CIB1: variants seen among roughly 807,000 people sequenced by gnomAD.
The protein encoded by CIB1 is calcium and integrin-binding protein 1.
CIB1 carries 19 observed loss-of-function variants against 25.0 expected under a neutral mutation model. The ratio of observed to expected loss-of-function variants is 0.76; its 90% confidence interval spans 0.53 to 1.12. The LOEUF (loss-of-function observed/expected upper bound fraction) is 1.12, where lower values mean the gene tolerates loss of function less well. CIB1 is among the 50% of genes most tolerant of loss of function. The pLI is 0.00. For missense variants in CIB1, 236 were observed against 242.6 expected (o/e 0.97, Z 0.18); for synonymous variants, 104 against 98.5 (o/e 1.06, Z -0.33).
chr15:90,231,581 A>T (rs1405420313), intron 3 of CIB1, 74 bp from the exon 4 acceptor site: 1 of 1,544,876 alleles, frequency 6.5e-7, no homozygotes, highest in Non-Finnish European at 8.8e-7. Context: ...TTGAGAGAGC[A>T]GGTCACAGGA....
At chr15:90,256,163 G>A in the CIB1 span, 84 of 1,614,144 alleles carry the variant, frequency 5.2e-5, no homozygotes, top group Non-Finnish European at 6.4e-5. Flanking sequence ...CCAGTCCTAC[G>A]GTCGTCAGCG....
the CIB1 span, chr15:90,262,611 C>A: frequency 6.5e-7 from 1 of 1,532,410 alleles, no homozygotes; most frequent in Non-Finnish European, 8.7e-7. Context: ...CGACCCAGGG[C>A]AGGGCTCCAG....
chr15:90,248,070 C>G, the CIB1 span, among the ~76,000 whole-genome samples: 3 of 151,792 alleles, frequency 2.0e-5, no homozygotes, highest in Non-Finnish European at 2.9e-5. Flanking sequence ...TACGAGTTCT[C>G]ACTCTGTCAC....
chr15:90,264,154 C>T, the CIB1 span: 1 of 734,580 alleles, frequency 1.4e-6, no homozygotes, highest in Non-Finnish European at 2.2e-6. Flanking sequence ...TATGGCACTT[C>T]CACCAGTGTA....
At chr15:90,241,291 A>G in the CIB1 span, 2 of 1,614,180 alleles carry the variant, frequency 1.2e-6, no homozygotes, top group Non-Finnish European at 1.7e-6. Context: ...AACTTCAACA[A>G]GATCCGGCCC....
chr15:90,244,690 C>G, the CIB1 span: 79,733 of 151,676 alleles, frequency 0.53, 22,448 homozygotes, highest in African/African-American at 0.72. Flanking sequence ...GTTGTGGCGG[C>G]CACCTGTAAT....
At chr15:90,253,790 T>A in the CIB1 span, among the ~76,000 whole-genome samples, 91 of 152,302 alleles carry the variant, frequency 6.0e-4, no homozygotes, top group African/African-American at 2.1e-3. Context: ...TGGCAAGAAA[T>A]TCAGGAATGA....
the CIB1 span, among the ~76,000 whole-genome samples, chr15:90,246,898 A>T: frequency 6.6e-6 from 1 of 150,878 alleles, no homozygotes; most frequent in Non-Finnish European, 1.5e-5. Flanking sequence ...TAGAACACTA[A>T]ATTGTTTGTT....
chr15:90,245,051 C>T, the CIB1 span: 1 of 152,248 alleles, frequency 6.6e-6, no homozygotes, highest in Non-Finnish European at 1.5e-5. Flanking sequence ...GCCTTCAGGT[C>T]GTTGGCTCCC....
the CIB1 span, chr15:90,264,870 ACT>A: frequency 6.5e-7 from 1 of 1,535,988 alleles, no homozygotes; most frequent in Non-Finnish European, 8.7e-7. Context: ...TCCATGGTAA[ACT>A]CTGAACACAG....
At chr15:90,257,893 C>A in the CIB1 span, 1 of 939,056 alleles carries the variant, frequency 1.1e-6, no homozygotes, top group Non-Finnish European at 1.6e-6. Context: ...CCAAACCTCA[C>A]CCTGATAACT....
chr15:90,234,628 GT>G (rs956805695), upstream of CIB1: 3 of 146,080 alleles, frequency 2.1e-5, no homozygotes, highest in African/African-American at 5.6e-5. Flanking sequence ...ATGGAAATAC[GT>G]AAGTCCAAAG....
the CIB1 span, chr15:90,264,133 C>G: frequency 2.2e-6 from 2 of 901,456 alleles, no homozygotes; most frequent in Non-Finnish European, 3.4e-6. Context: ...TTGGATGCCC[C>G]TAAAATATAA....
the CIB1 span, chr15:90,262,665 A>G: frequency 6.7e-7 from 1 of 1,484,992 alleles, no homozygotes; most frequent in South Asian, 1.3e-5. Context: ...AACTGGGAGA[A>G]AGAGGTGCCA....
the CIB1 span, chr15:90,242,316 C>T: frequency 2.8e-5 from 7 of 252,474 alleles, no homozygotes; most frequent in South Asian, 6.6e-4. Flanking sequence ...ATATAGACAG[C>T]GTTTCACCAT....
the CIB1 span, chr15:90,250,972 C>G: frequency 1.3e-5 from 19 of 1,511,000 alleles, no homozygotes; most frequent in Middle Eastern, 2.4e-4. Flanking sequence ...GAGCTGGGAT[C>G]TCAGATCTTC....
the CIB1 span, chr15:90,241,084 T>C: frequency 1.9e-6 from 3 of 1,614,124 alleles, no homozygotes; most frequent in Non-Finnish European, 2.5e-6. Flanking sequence ...CAATCTCCCT[T>C]TGATGCTGCA....
At chr15:90,253,129 A>C in the CIB1 span, 1 of 636,984 alleles carries the variant, frequency 1.6e-6, no homozygotes, top group Non-Finnish European at 2.7e-6. Context: ...TGAGGCAAGA[A>C]CTACCTCCCT....
the CIB1 span, chr15:90,257,417 G>A: frequency 2.3e-6 from 3 of 1,323,272 alleles, no homozygotes; most frequent in Non-Finnish European, 3.1e-6. Context: ...CATCTAGCTG[G>A]GAGGCAAGTG....
Sources: gnomAD v4.1 joint callset for allele counts (sites outside exome capture counted in the v4.1 genomes callset) on GRCh38, gnomAD v4.1.1 for gene constraint, MANE v1.5 for transcripts, NCBI Gene and HGNC (gene_info 2026-07-23, HGNC 2026-07-21) for gene names.